NFATC3: variants seen among roughly 807,000 people sequenced by gnomAD.
NFATC3 encodes nuclear factor of activated T cells 3.
NFATC3 carries 46 observed loss-of-function variants against 98.6 expected under a neutral mutation model. The observed-to-expected ratio is 0.47, with a 90% CI of 0.37 to 0.60. The LOEUF (loss-of-function observed/expected upper bound fraction) is 0.60, where lower values mean the gene tolerates loss of function less well. Among genes scored for constraint, NFATC3 ranks in the 20% least tolerant of loss-of-function variants. The probability of loss-of-function intolerance (pLI) is 0.00; values close to 1 mark genes in which losing one functional copy is unlikely to be tolerated. For synonymous variants in NFATC3, 512 were observed against 472.2 expected, an observed-to-expected ratio of 1.08 and a Z score of -1.09; for missense variants, 1,256 against 1,295.5, an observed-to-expected ratio of 0.97 and a Z score of 0.47.
At chr16:68,224,489 C>G (rs1403187796) in intron 9 of NFATC3, among the ~76,000 whole-genome samples, 1 of 151,228 alleles carries the variant, frequency 6.6e-6, no homozygotes, top group African/African-American at 2.4e-5. Flanking sequence ...CTTGGCCAGG[C>G]TGGTCTTGAA....
At chr16:68,212,912 C>A (rs2041471404) in intron 9 of NFATC3, among the ~76,000 whole-genome samples, 1 of 148,588 alleles carries the variant, frequency 6.7e-6, no homozygotes, top group Non-Finnish European at 1.5e-5. Context: ...GCCTCAGCCT[C>A]CCAAGTAGCT....
chr16:68,095,776 A>G (rs913901066), intron 1 of NFATC3, among the ~76,000 whole-genome samples: 2 of 152,172 alleles, frequency 1.3e-5, no homozygotes, highest in African/African-American at 4.8e-5. Flanking sequence ...AGAGGTGCCA[A>G]GAAAGAGAAG....
At chr16:68,165,708 G>A (rs963107576) in intron 4 of NFATC3, among the ~76,000 whole-genome samples, 3 of 152,002 alleles carry the variant, frequency 2.0e-5, no homozygotes, top group Non-Finnish European at 2.9e-5. Context: ...TTCTTGTCTT[G>A]CTATCCTAGT....
At chr16:68,105,580 T>C (rs2035611186) in intron 1 of NFATC3, among the ~76,000 whole-genome samples, 1 of 152,166 alleles carries the variant, frequency 6.6e-6, no homozygotes, top group Admixed American at 6.6e-5. Flanking sequence ...TGGTCTGTAG[T>C]GTCTTGCTTT....
intron 3 of NFATC3, among the ~76,000 whole-genome samples, chr16:68,151,492 A>G (rs1275579306): frequency 6.6e-6 from 1 of 152,202 alleles, no homozygotes; most frequent in Admixed American, 6.5e-5. Context: ...TTTTGGGGGT[A>G]TTAATATATA....
chr16:68,196,059 T>A (rs981972500), intron 9 of NFATC3, among the ~76,000 whole-genome samples: 2 of 151,930 alleles, frequency 1.3e-5, no homozygotes, highest in Non-Finnish European at 2.9e-5. Flanking sequence ...AACCTTAGAT[T>A]ATTGGCTGTA....
chr16:68,186,068 A>T (rs553069819), intron 8 of NFATC3, among the ~76,000 whole-genome samples: 1 of 152,172 alleles, frequency 6.6e-6, no homozygotes, highest in Non-Finnish European at 1.5e-5. Context: ...ATCAGGTGAC[A>T]TACACTAACA....
At chr16:68,100,425 TAGTC>T (rs1173652085) in intron 1 of NFATC3, among the ~76,000 whole-genome samples, 1 of 152,004 alleles carries the variant, frequency 6.6e-6, no homozygotes, top group African/African-American at 2.4e-5. Flanking sequence ...ATACAAAAAT[TAGTC>T]AGGCATGATG....
Position 68,139,147 on chromosome 16 carries a change from A to C in NFATC3, c.1401+12537A>C, listed in dbSNP as rs117050448. On this transcript the variant is annotated intron_variant, in intron 3 of 9. Coordinates refer to ENST00000346183, the MANE Select transcript of NFATC3 (RefSeq NM_173165.3). ...ATGAGTAAATAAACAAAACATTAGA[A>C]TATAGTAAGTGCTATATTGGAAATT... is the stretch of plus-strand genomic sequence containing the variant. Among the ~76,000 whole-genome samples, 387 of 152,326 alleles carry C rather than the reference A, an allele frequency of 2.5e-3. 18 individuals are homozygous for C. In the East Asian group the frequency reaches 0.066, roughly 26 times the overall value.
At chr16:68,183,906 C>T (rs2040051988) in intron 8 of NFATC3, among the ~76,000 whole-genome samples, 1 of 149,496 alleles carries the variant, frequency 6.7e-6, no homozygotes, top group Non-Finnish European at 1.5e-5. Flanking sequence ...ACTCAGGAGG[C>T]TGAGGCAGGA....
At chr16:68,123,987 C>A (rs935163394) in intron 2 of NFATC3, among the ~76,000 whole-genome samples, 2 of 151,470 alleles carry the variant, frequency 1.3e-5, no homozygotes, top group African/African-American at 4.8e-5. Flanking sequence ...GTCTGCACCA[C>A]CCCCCTACAA....
chr16:68,220,201 G>A (rs1192481483), intron 9 of NFATC3, among the ~76,000 whole-genome samples: 1 of 152,102 alleles, frequency 6.6e-6, no homozygotes, highest in Non-Finnish European at 1.5e-5. Context: ...TCTTGTTCTA[G>A]GCTTTTAATT....
chr16:68,210,151 A>G (rs2041318275), intron 9 of NFATC3, among the ~76,000 whole-genome samples: 2 of 152,056 alleles, frequency 1.3e-5, no homozygotes, highest in Non-Finnish European at 2.9e-5. Context: ...CAAAAAAATT[A>G]GCTGGGCATG....
chr16:68,089,307 G>A (rs888028761), intron 1 of NFATC3: 6 of 979,376 alleles, frequency 6.1e-6, no homozygotes, highest in Admixed American at 6.2e-5. Flanking sequence ...ACTTGATAAC[G>A]CTTAATAATG....
intron 9 of NFATC3, chr16:68,221,407 C>G: frequency 6.8e-7 from 1 of 1,470,044 alleles, no homozygotes; most frequent in Non-Finnish European, 9.0e-7. Context: ...CACTTTGTTG[C>G]AGTTCTGACT....
chr16:68,172,650 T>C (rs1256026138), intron 5 of NFATC3, among the ~76,000 whole-genome samples: 1 of 152,042 alleles, frequency 6.6e-6, no homozygotes, highest in Non-Finnish European at 1.5e-5. Context: ...TGTATGGTAA[T>C]GCATTCCTAT....
chr16:68,222,576 C>T (rs560696425), intron 9 of NFATC3, among the ~76,000 whole-genome samples: 13 of 152,222 alleles, frequency 8.5e-5, no homozygotes, highest in African/African-American at 2.4e-4. Flanking sequence ...TAACGCCTGC[C>T]TAAAATACAC....
chr16:68,142,557 A>G (rs1186652178), intron 3 of NFATC3, among the ~76,000 whole-genome samples: 1 of 152,078 alleles, frequency 6.6e-6, no homozygotes, highest in Non-Finnish European at 1.5e-5. Context: ...GAGGAGTTAG[A>G]GACCAGCCTG....
At position 68,134,359 on chromosome 16, in the gene NFATC3, C is replaced by T. The variant is rs187953132; in HGVS notation, c.1401+7749C>T. On this transcript the variant is annotated intron_variant, in intron 3 of 9. Coordinates refer to ENST00000346183, the MANE Select transcript of NFATC3 (RefSeq NM_173165.3). ...TAAATCTTTCTTTTAGACAGGGCCT[C>T]GCTATGTTACCCAGGCCCAGTGTCT... 8.5e-4 allele frequency among the ~76,000 whole-genome samples: 129 copies of T among 152,162 alleles called. No individual in the cohort carries two copies. In the Middle Eastern group the frequency reaches 0.02, roughly 24 times the overall value.
Sources: allele counts gnomAD v4.1 joint callset (sites outside exome capture counted in the v4.1 genomes callset), GRCh38; gene constraint gnomAD v4.1.1; transcripts MANE v1.5; gene names NCBI Gene and HGNC (gene_info 2026-07-23, HGNC 2026-07-21).